Variants in CFAP43 observed in about 807,000 individuals in gnomAD.
The protein encoded by CFAP43 is cilia and flagella associated protein 43, also known as cilia- and flagella-associated protein 43.
CFAP43 carries 155 observed loss-of-function variants against 218.9 expected under a neutral mutation model. That is an observed-to-expected ratio of 0.71 (90% CI 0.62 to 0.81). The LOEUF (loss-of-function observed/expected upper bound fraction) is 0.81. Ranked by LOEUF, CFAP43 falls within the 30% of genes least tolerant of loss-of-function variation. The pLI is 0.00. For missense variants in CFAP43, 1,778 were observed against 1,954.3 expected, an observed-to-expected ratio of 0.91 and a Z score of 1.70; for synonymous variants, 645 against 681.3, an observed-to-expected ratio of 0.95 and a Z score of 0.83.
chr10:104,215,224 A>G (rs183180901), intron 3 of CFAP43, among the ~76,000 whole-genome samples: 1 of 152,294 alleles, frequency 6.6e-6, no homozygotes, highest in East Asian at 1.9e-4. Context: ...CATTTAAGAG[A>G]ATATCCTGAA....
intron 12 of CFAP43, among the ~76,000 whole-genome samples, chr10:104,191,919 T>C (rs2090236862): frequency 6.6e-6 from 1 of 152,130 alleles, no homozygotes; most frequent in Admixed American, 6.5e-5. Flanking sequence ...TGTATGTTAA[T>C]ATTAGAAATG....
rs1394346489 is a variant in CFAP43, at chr10:104,224,418, T to C, written c.416+1043A>G. On this transcript the variant is annotated intron_variant, in intron 3 of 37. Transcript: ENST00000357060. ...AAAACTTATCAAAGTATTTACCTTA[T>C]ATATGAACAGTTCATTATCTGTTAG... Among the ~76,000 whole-genome samples, 3 of 152,128 alleles carry C rather than the reference T, an allele frequency of 2.0e-5. No homozygotes were observed. In the East Asian group the frequency reaches 5.8e-4, roughly 29 times the overall value.
intron 17 of CFAP43, among the ~76,000 whole-genome samples, chr10:104,181,242 C>G (rs1413460212): frequency 6.6e-6 from 1 of 152,186 alleles, no homozygotes; most frequent in East Asian, 1.9e-4. Flanking sequence ...TTCTTGGGCC[C>G]TTTCTTTTCC....
At chr10:104,215,865 C>T (rs1441386148) in intron 3 of CFAP43, among the ~76,000 whole-genome samples, 6 of 152,138 alleles carry the variant, frequency 3.9e-5, no homozygotes, top group African/African-American at 7.2e-5. Context: ...GCCTCCTCTC[C>T]CCTTACAATG....
At chr10:104,190,238 A>C (rs2090168546) in intron 12 of CFAP43, among the ~76,000 whole-genome samples, 1 of 151,838 alleles carries the variant, frequency 6.6e-6, no homozygotes, top group African/African-American at 2.4e-5. Flanking sequence ...AGGCTGAAGC[A>C]GCAGTATTGC....
Position 104,162,050 on chromosome 10 carries a change from G to A in CFAP43, c.3334-9C>T. On this transcript the variant is annotated splice_polypyrimidine_tract_variant and intron_variant, in intron 25 of 37. Coordinates refer to ENST00000357060, the MANE Select transcript of CFAP43 (RefSeq NM_025145.7). ...AGTCTTGTACTGGCATCCTGGGAAA[G>A]AGCCAGAATCAGAGAGGAATACTGA... 2 of 1,611,758 alleles carry A rather than the reference G, an allele frequency of 1.2e-6. No individual in the cohort carries two copies. The highest frequency in any genetic ancestry group is 2.2e-5 in the South Asian group (2 of 90,604).
chr10:104,139,428 C>T (rs923007412), intron 34 of CFAP43, among the ~76,000 whole-genome samples: 11 of 152,130 alleles, frequency 7.2e-5, no homozygotes, highest in African/African-American at 2.7e-4. Context: ...CCTATCCCCA[C>T]CTAGACACAT....
chr10:104,179,064 C>A lies in CFAP43; in HGVS notation c.2425G>T (p.Glu809Ter), dbSNP rs754087662. The A allele has an allele frequency of 6.2e-7, 1 of 1,613,234 alleles. No homozygotes were observed. The highest frequency in any genetic ancestry group is 2.2e-5 in the East Asian group (1 of 44,798). ...EVNLFSKKRK[E>*]IKQGIKSLSK... ...AGTGATTTGATTCCTTGTTTTATCTCTTTCCTTTTCTTGGAAAACAGATTA... is the reference window on the plus strand; with the variant it reads ...AGTGATTTGATTCCTTGTTTTATCTATTTCCTTTTCTTGGAAAACAGATTA... The change falls in exon 19 of 38, where the codon GAG becomes TAG. Residue 809 changes from glutamate (E) to a stop codon, truncating the protein, a stop_gained. Transcript: ENST00000357060. LOFTEE classifies it high-confidence loss of function.
chr10:104,215,420 T>C (rs1367584786), intron 3 of CFAP43, among the ~76,000 whole-genome samples: 1 of 152,114 alleles, frequency 6.6e-6, no homozygotes, highest in African/African-American at 2.4e-5. Flanking sequence ...CTATCACAAA[T>C]GCCCTGCCCA....
chr10:104,179,190 T>G, intron 18 of CFAP43, 84 bp from the exon 19 acceptor site: 2 of 1,195,500 alleles, frequency 1.7e-6, no homozygotes, highest in Non-Finnish European at 2.4e-6. Flanking sequence ...AGCAATTCTC[T>G]AGAAACAGAA....
intron 27 of CFAP43, among the ~76,000 whole-genome samples, chr10:104,156,475 A>T (rs1427463085): frequency 6.6e-6 from 1 of 152,192 alleles, no homozygotes; most frequent in African/African-American, 2.4e-5. Flanking sequence ...CAATGGTTGC[A>T]CTATTGGTTT....
At chr10:104,188,561 A>G (rs984400069) in intron 12 of CFAP43, 151 bp from the exon 13 acceptor site, 19 of 1,047,924 alleles carry the variant, frequency 1.8e-5, no homozygotes, top group African/African-American at 4.9e-5. Flanking sequence ...ACCTTTAAAC[A>G]TAAGTTACAG....
At chr10:104,232,069 C>T in intron 1 of CFAP43, 113 bp downstream of exon 1, 1 of 1,259,674 alleles carries the variant, frequency 7.9e-7, no homozygotes, top group Non-Finnish European at 1.1e-6. Context: ...GGGAAGAGGT[C>T]GAAGCTGCGG....
In CFAP43 at chr10:104,185,548, TGA is replaced by T. The variant is rs199750132; in HGVS notation, c.2011-404_2011-403del. The stretch of plus-strand genomic sequence containing the variant: ...TTATGTGTGAAGTAGCTGAGTATAA[TGA>T]GAGAGGGTGACGGGCACTGTGAAGA... On this transcript the variant is annotated intron_variant, in intron 15 of 37. Transcript: ENST00000357060. Among the ~76,000 whole-genome samples, 1,150 of 152,162 alleles carry T rather than the reference TGA, an allele frequency of 7.6e-3. 7 individuals carry two copies. Among genetic ancestry groups the T allele is most frequent in the Non-Finnish European group, 0.012 (813 of 68,006 alleles).
intron 6 of CFAP43, among the ~76,000 whole-genome samples, chr10:104,207,187 A>G (rs2090719501): frequency 6.6e-6 from 1 of 152,060 alleles, no homozygotes; most frequent in African/African-American, 2.4e-5. Context: ...AAAACCAAAA[A>G]AACAACACCT....
intron 12 of CFAP43, 92 bp from the exon 13 acceptor site, chr10:104,188,502 G>A: frequency 6.9e-7 from 1 of 1,456,908 alleles, no homozygotes; most frequent in South Asian, 1.4e-5. Context: ...CCATGGACTT[G>A]CCTTCACTAT....
intron 1 of CFAP43, 44 bp downstream of exon 1, chr10:104,232,138 G>T (rs1487449073): frequency 6.3e-7 from 1 of 1,582,382 alleles, no homozygotes; most frequent in East Asian, 2.3e-5. Context: ...GGGGCAGGAG[G>T]TTCCGCGAGA....
At position 104,186,021 on chromosome 10, in the gene CFAP43, T is replaced by C; in HGVS notation, c.1963A>G (p.Thr655Ala). Reference sequence around the variant, plus strand: ...CACAGAATTCCACATTTAGCTATTGTTATGAGCCACAATCCATGTGAAGAC... The same window carrying C: ...CACAGAATTCCACATTTAGCTATTGCTATGAGCCACAATCCATGTGAAGAC... ...YLSSHGLWLITIAKCGILCIR... is the reference protein window; with the variant it reads ...YLSSHGLWLIAIAKCGILCIR... The change falls in exon 15 of 38, where the codon ACA (threonine) becomes GCA (alanine). Residue 655 changes from threonine (T) to alanine (A), a missense_variant. Coordinates refer to ENST00000357060, the MANE Select transcript of CFAP43 (RefSeq NM_025145.7). 6.2e-7 allele frequency: 1 copy of C among 1,611,402 alleles called. No homozygotes were observed. The highest frequency in any genetic ancestry group is 2.2e-5 in the East Asian group (1 of 44,790).
chr10:104,230,917 CATCAAA>C (rs1429390649), intron 1 of CFAP43, 74 bp from the exon 2 acceptor site: 15 of 1,442,492 alleles, frequency 1.0e-5, no homozygotes, highest in Non-Finnish European at 1.3e-5. Flanking sequence ...AGCAAAGGGT[CATCAAA>C]ATCTTTGAAA....
Sources: gnomAD v4.1 joint callset for allele counts (sites outside exome capture counted in the v4.1 genomes callset) on GRCh38, gnomAD v4.1.1 for gene constraint, MANE v1.5 for transcripts, NCBI Gene and HGNC (gene_info 2026-07-23, HGNC 2026-07-21) for gene names.